SLC1A3: variants seen among roughly 807,000 people sequenced by gnomAD.
SLC1A3 encodes solute carrier family 1 member 3.
Under a neutral mutation model 48.1 loss-of-function variants are expected in SLC1A3, and 21 were observed. The observed-to-expected ratio is 0.44, with a 90% CI of 0.31 to 0.63. The LOEUF is 0.63. SLC1A3 is among the 20% of genes least tolerant of loss of function. The pLI is 0.08. For synonymous variants in SLC1A3, 239 were observed against 251.4 expected (o/e 0.95, Z 0.47); for missense variants, 546 against 689.0 (o/e 0.79, Z 2.32).
chr5:36,648,407 C>T (rs1272675770), intron 3 of SLC1A3, among the ~76,000 whole-genome samples: 1 of 152,174 alleles, frequency 6.6e-6, no homozygotes, highest in Non-Finnish European at 1.5e-5. Flanking sequence ...GCAAAATCTA[C>T]CATTTTTGCC....
At chr5:36,676,734 G>T (rs1742223736) in intron 5 of SLC1A3, among the ~76,000 whole-genome samples, 158 bp from the exon 6 acceptor site, 1 of 151,972 alleles carries the variant, frequency 6.6e-6, no homozygotes, top group African/African-American at 2.4e-5. Flanking sequence ...GTAGGGGTTT[G>T]CCACAGATTA....
chr5:36,648,708 T>A (rs1156710907), intron 3 of SLC1A3, among the ~76,000 whole-genome samples: 1 of 152,222 alleles, frequency 6.6e-6, no homozygotes. Flanking sequence ...AAGGCTTTTT[T>A]AGGCATCAAC....
rs767446029 is a variant in SLC1A3 at position 36,627,174 on chromosome 5, C to T, written c.182-2276C>T. Among the ~76,000 whole-genome samples the T allele has an allele frequency of 6.6e-5, 10 of 151,974 alleles. 1 individual carries two copies. The highest frequency in any genetic ancestry group is 6.2e-4 in the South Asian group (3 of 4,824). On this transcript the variant is annotated intron_variant, in intron 2 of 9. Coordinates refer to ENST00000265113, the MANE Select transcript of SLC1A3 (RefSeq NM_004172.5). ...CAACATATACACACACACACACGTA[C>T]GTACCTAGACTCTTAAACGATTAGG...
At chr5:36,661,183 G>A (rs1157583941) in intron 3 of SLC1A3, among the ~76,000 whole-genome samples, 3 of 152,180 alleles carry the variant, frequency 2.0e-5, no homozygotes, top group African/African-American at 7.2e-5. Context: ...AGGTCCAGGC[G>A]GGCGGATCAC....
chr5:36,666,942 C>T (rs1041352743), intron 3 of SLC1A3, among the ~76,000 whole-genome samples: 32 of 152,182 alleles, frequency 2.1e-4, no homozygotes, highest in Admixed American at 1.8e-3. Context: ...TTTCCTCTCT[C>T]TTCCATGTGA....
At chr5:36,662,302 T>G (rs552773342) in intron 3 of SLC1A3, among the ~76,000 whole-genome samples, 2 of 152,304 alleles carry the variant, frequency 1.3e-5, no homozygotes, top group African/African-American at 4.8e-5. Context: ...AAGGGTGGCT[T>G]TCGTCAGCCT....
At chr5:36,648,351 G>A (rs992969342) in intron 3 of SLC1A3, among the ~76,000 whole-genome samples, 4 of 152,096 alleles carry the variant, frequency 2.6e-5, no homozygotes, top group Admixed American at 6.5e-5. Context: ...TTTTATTAAC[G>A]ATTAATGTAA....
chr5:36,673,794 G>A (rs918422540), intron 4 of SLC1A3, among the ~76,000 whole-genome samples: 2 of 152,070 alleles, frequency 1.3e-5, no homozygotes, highest in African/African-American at 2.4e-5. Flanking sequence ...TAATATAATG[G>A]CTGAGTGAAG....
At chr5:36,685,885 C>T (rs185072514) in intron 9 of SLC1A3, among the ~76,000 whole-genome samples, 180 bp from the exon 10 acceptor site, 1 of 152,210 alleles carries the variant, frequency 6.6e-6, no homozygotes, top group South Asian at 2.1e-4. Flanking sequence ...ATCTATATGG[C>T]CTTATAACCT....
intron 3 of SLC1A3, among the ~76,000 whole-genome samples, chr5:36,651,530 C>T (rs1328959412): frequency 2.1e-5 from 3 of 144,272 alleles, no homozygotes; most frequent in Non-Finnish European, 4.6e-5. Context: ...TCTCACTCCT[C>T]CTCCCCACCC....
upstream of SLC1A3, among the ~76,000 whole-genome samples, chr5:36,604,908 G>GT (rs1487817021): frequency 1.2e-4 from 3 of 24,814 alleles, no homozygotes; most frequent in Admixed American, 1.0e-3. Context: ...AAAAGCGGTG[G>GT]GGGGGGGGGG....
chr5:36,642,784 G>T (rs1234211425), intron 3 of SLC1A3, among the ~76,000 whole-genome samples: 2 of 152,072 alleles, frequency 1.3e-5, no homozygotes, highest in South Asian at 2.1e-4. Flanking sequence ...TACCTATTAT[G>T]AACATGTCAT....
chr5:36,607,736 C>T (rs1739011494), intron 1 of SLC1A3, among the ~76,000 whole-genome samples: 1 of 152,168 alleles, frequency 6.6e-6, no homozygotes, highest in Non-Finnish European at 1.5e-5. Context: ...AAAATAGTCA[C>T]ATGTATTTCC....
chr5:36,636,712 T>C (rs1029108075), intron 3 of SLC1A3, among the ~76,000 whole-genome samples: 1 of 151,328 alleles, frequency 6.6e-6, no homozygotes, highest in African/African-American at 2.4e-5. Flanking sequence ...AAAGTCAACC[T>C]GAGGAACATG....
chr5:36,676,648 ATGTG>A (rs3051481), intron 5 of SLC1A3, among the ~76,000 whole-genome samples: 161 of 149,908 alleles, frequency 1.1e-3, no homozygotes, highest in African/African-American at 3.6e-3. Context: ...GAGTGTGTGT[ATGTG>A]TGTGTGTGTG....
At chr5:36,603,021 C>T (rs1430092327), upstream of SLC1A3, among the ~76,000 whole-genome samples, 1 of 152,208 alleles carries the variant, frequency 6.6e-6, no homozygotes, top group Non-Finnish European at 1.5e-5. Context: ...AATGCTCCTC[C>T]TGCCCCTTGA....
rs1338438264 is a variant in SLC1A3 at position 36,628,202 on chromosome 5, AT to A, written c.182-1246del. ...ATTTTTTTTAGCCACGTAGATTAAG[AT>A]TCTTATTAGAATATCACAGTTTAGA... On this transcript the variant is annotated intron_variant, in intron 2 of 9. Coordinates refer to ENST00000265113, the MANE Select transcript of SLC1A3 (RefSeq NM_004172.5). 2.0e-4 allele frequency among the ~76,000 whole-genome samples: 30 copies of A among 152,260 alleles called. 1 individual carries two copies. Among genetic ancestry groups the A allele is most frequent in the Admixed American group, 2.0e-4 (3 of 15,286 alleles).
chr5:36,629,407 A>G, intron 2 of SLC1A3, 43 bp from the exon 3 acceptor site: 1 of 1,575,548 alleles, frequency 6.3e-7, no homozygotes, highest in Non-Finnish European at 8.7e-7. Context: ...TGTTTCAAAA[A>G]AGACTCAATT....
At chr5:36,632,870 T>A (rs1057235127) in intron 3 of SLC1A3, among the ~76,000 whole-genome samples, 1 of 152,204 alleles carries the variant, frequency 6.6e-6, no homozygotes, top group African/African-American at 2.4e-5. Flanking sequence ...TGTTCCCTTT[T>A]CCCTGAATTT....
Sources: allele counts gnomAD v4.1 joint callset (sites outside exome capture counted in the v4.1 genomes callset), GRCh38; gene constraint gnomAD v4.1.1; transcripts MANE v1.5; gene names NCBI Gene and HGNC (gene_info 2026-07-23, HGNC 2026-07-21).